ADNP: variants seen among roughly 807,000 people sequenced by gnomAD.
The protein encoded by ADNP is activity dependent neuroprotector homeobox, also known as activity-dependent neuroprotector homeobox protein.
Under a neutral mutation model 84.9 loss-of-function variants are expected in ADNP, and 4 were observed. The ratio of observed to expected loss-of-function variants is 0.05; its 90% confidence interval spans 0.02 to 0.11. The LOEUF is 0.11. Ranked by LOEUF, ADNP falls within the 10% of genes least tolerant of loss-of-function variation. ADNP has a pLI of 1.00. For synonymous variants in ADNP, 554 were observed against 468.1 expected, an observed-to-expected ratio of 1.18 and a Z score of -2.37; for missense variants, 1,132 against 1,326.0, an observed-to-expected ratio of 0.85 and a Z score of 2.27.
chr20:50,892,992 G>C lies in ADNP; in HGVS notation c.1722C>G (p.Ala574=). The change falls in exon 6 of 6, where the codon GCC becomes GCG. Residue 574 remains alanine, a synonymous_variant. Coordinates refer to ENST00000621696, the MANE Select transcript of ADNP (RefSeq NM_001282531.3). ...LLVTTYNLRD[A]PAESVAYHAQ... ...CATGGTAAGCAACAGATTCAGCTGG[G>C]GCATCCCTCAGATTGTATGTAGTTA... 6.2e-7 allele frequency: 1 copy of C among 1,614,188 alleles called. No individual in the cohort carries two copies. The highest frequency in any genetic ancestry group is 1.1e-5 in the South Asian group (1 of 91,086).
intron 2 of ADNP, among the ~76,000 whole-genome samples, chr20:50,923,669 C>T (rs1984102316): frequency 6.6e-6 from 1 of 152,130 alleles, no homozygotes; most frequent in Admixed American, 6.5e-5. Context: ...ATGTGAGTGC[C>T]ACCACACCAG....
At chr20:50,920,544 T>C (rs59268603) in intron 2 of ADNP, among the ~76,000 whole-genome samples, 4,415 of 148,904 alleles carry the variant, frequency 0.03, 234 homozygotes, top group African/African-American at 0.1. Context: ...CACTCCAGCC[T>C]GGACTCCATT....
At position 50,892,585 on chromosome 20, in the gene ADNP, G is replaced by C. The variant is rs1980912917; in HGVS notation, c.2129C>G (p.Pro710Arg). The change falls in exon 6 of 6, where the codon CCA becomes CGA. Residue 710 changes from proline (P) to arginine (R), a missense_variant. Pro to Arg is a moderately radical substitution (Grantham distance 103). This residue lies in a region of ADNP where 101 missense variants were observed against 78.5 expected (regional missense o/e 1.29). Coordinates refer to ENST00000621696, the MANE Select transcript of ADNP (RefSeq NM_001282531.3). Reference sequence around the variant, plus strand: ...AGTGCGCTTCACAGGTGCCAGACTTGGAGACTGATTAAGCCGAGAGGGTGC... The same window carrying C: ...AGTGCGCTTCACAGGTGCCAGACTTCGAGACTGATTAAGCCGAGAGGGTGC... ...TNAPSRLNQS[P>R]SLAPVKRTYE... 2 of 1,614,212 alleles carry C rather than the reference G, an allele frequency of 1.2e-6. No individual in the cohort carries two copies. The highest frequency in any genetic ancestry group is 1.3e-5 in the African/African-American group (1 of 75,052).
At chr20:50,912,737 AATT>A (rs1451880684) in intron 2 of ADNP, among the ~76,000 whole-genome samples, 1 of 152,214 alleles carries the variant, frequency 6.6e-6, no homozygotes, top group Admixed American at 6.5e-5. Flanking sequence ...AATCTTCACC[AATT>A]ATTATTAGTC....
chr20:50,891,733 C>T lies in ADNP; in HGVS notation c.2981G>A (p.Gly994Glu), dbSNP rs1980756807. 1.9e-6 allele frequency: 3 copies of T among 1,614,066 alleles called. No homozygotes were observed. Among genetic ancestry groups the T allele is most frequent in the Non-Finnish European group, 2.5e-6 (3 of 1,180,038 alleles). Residue 994 changes from glycine (G) to glutamate (E), a missense_variant, in exon 6 of 6, where the codon GGA becomes GAA. Around this residue, in one of 10 missense-constraint regions of ADNP, gnomAD observed 381 missense variants for 319.9 expected, o/e 1.19. Transcript: ENST00000621696. The part of the protein sequence containing the change: ...FEDNTCEMKP[G>E]TWSDESSQSE... Reference sequence around the variant, plus strand: ...TTGGGAAGACTCGTCAGACCAGGTTCCTGGTTTCATTTCGCAGGTATTGTC... The same window carrying T: ...TTGGGAAGACTCGTCAGACCAGGTTTCTGGTTTCATTTCGCAGGTATTGTC...
chr20:50,926,597 C>T (rs2123008813), intron 2 of ADNP, among the ~76,000 whole-genome samples: 1 of 152,132 alleles, frequency 6.6e-6, no homozygotes, highest in South Asian at 2.1e-4. Context: ...ATGTACTTTC[C>T]CCAAACTACA....
At chr20:50,919,291 G>GTATATATATA (rs199569280) in intron 2 of ADNP, among the ~76,000 whole-genome samples, 38 of 77,210 alleles carry the variant, frequency 4.9e-4, no homozygotes, top group Admixed American at 2.1e-3. Flanking sequence ...ATATTTAAGT[G>GTATATATATA]TATATATATA....
At chr20:50,918,531 CA>C (rs1348599999) in intron 2 of ADNP, among the ~76,000 whole-genome samples, 1 of 152,108 alleles carries the variant, frequency 6.6e-6, no homozygotes, top group African/African-American at 2.4e-5. Context: ...ACGTTATTGG[CA>C]AATCTGCTCC....
chr20:50,900,040 AG>A (rs750854640), intron 5 of ADNP, among the ~76,000 whole-genome samples: 5 of 152,176 alleles, frequency 3.3e-5, no homozygotes, highest in Non-Finnish European at 7.3e-5. Flanking sequence ...CTTTTTATGT[AG>A]CCTAAGTGTG....
At position 50,890,366 on chromosome 20, in the gene ADNP, ATTTAT is replaced by A. The variant is rs1366245338; in HGVS notation, c.*1034_*1038del. 6.6e-6 allele frequency: 1 copy of A among 152,608 alleles called. No individual in the cohort carries two copies. The highest frequency in any genetic ancestry group is 2.4e-5 in the African/African-American group (1 of 41,490). 9.5% of individuals were successfully genotyped at this position (152,608 alleles called of 1,614,324 possible). On this transcript the variant is annotated 3_prime_UTR_variant, in exon 6 of 6. Transcript: ENST00000621696. ...TATTTACATTAAGCACAATACAGCA[ATTTAT>A]TTAGATGCTTAAAATGAATACAAAG...
intron 4 of ADNP, among the ~76,000 whole-genome samples, chr20:50,902,342 A>T (rs1982069942): frequency 6.6e-6 from 1 of 152,232 alleles, no homozygotes; most frequent in Admixed American, 6.5e-5. Context: ...GTTTCCAAGG[A>T]AATTGCTGGA....
intron 5 of ADNP, among the ~76,000 whole-genome samples, chr20:50,895,610 CAA>C (rs1166879570): frequency 6.6e-6 from 1 of 152,164 alleles, no homozygotes; most frequent in Non-Finnish European, 1.5e-5. Context: ...TGCAGTGGCA[CAA>C]TCGGCTCACT....
At chr20:50,907,238 A>G (rs973546573) in intron 2 of ADNP, among the ~76,000 whole-genome samples, 4 of 150,224 alleles carry the variant, frequency 2.7e-5, no homozygotes, top group African/African-American at 4.9e-5. Flanking sequence ...TCAGCCTCCC[A>G]AAGTGCTGGG....
intron 2 of ADNP, among the ~76,000 whole-genome samples, chr20:50,918,720 T>C (rs1983701797): frequency 6.6e-6 from 1 of 152,364 alleles, no homozygotes; most frequent in South Asian, 2.1e-4. Flanking sequence ...AATTCCCATG[T>C]GTTAAAATTT....
intron 5 of ADNP, among the ~76,000 whole-genome samples, chr20:50,895,512 C>T (rs1352949053): frequency 6.6e-6 from 1 of 152,192 alleles, no homozygotes; most frequent in African/African-American, 2.4e-5. Flanking sequence ...CTGTACACTA[C>T]TGTAGACTTT....
In ADNP at chr20:50,891,564, T is replaced by G. The variant is rs368642653; in HGVS notation, c.3150A>C (p.Ala1050=). Residue 1050 remains alanine, a synonymous_variant, in exon 6 of 6, where the codon GCA becomes GCC. Coordinates refer to ENST00000621696, the MANE Select transcript of ADNP (RefSeq NM_001282531.3). ...WSKDQSQWKN[A]SENDERLSNP... is the part of the protein sequence containing the mutation. ...TAGATAAGCGCTCATCATTCTCAGA[T>G]GCATTCTTCCACTGTGACTGGTCCT... 6.2e-7 allele frequency: 1 copy of G among 1,612,638 alleles called. No homozygotes were observed.
chr20:50,898,709 T>G (rs1034206397), intron 5 of ADNP, among the ~76,000 whole-genome samples: 1 of 152,156 alleles, frequency 6.6e-6, no homozygotes, highest in Admixed American at 6.5e-5. Context: ...TTAGGGGCCA[T>G]GATGAACAAA....
At chr20:50,903,292 G>A (rs1029602543) in intron 4 of ADNP, among the ~76,000 whole-genome samples, 1 of 152,140 alleles carries the variant, frequency 6.6e-6, no homozygotes, top group Non-Finnish European at 1.5e-5. Flanking sequence ...CTGTTATAAA[G>A]CTCATAGAAT....
rs752213411 is a variant in ADNP, at chr20:50,893,961, G to A, written c.753C>T (p.Val251=). The change falls in exon 6 of 6, where the codon GTC becomes GTT. Residue 251 remains valine, a synonymous_variant. Transcript: ENST00000621696. This position sits in a 1 kb window ranked among gnomAD's most constrained non-coding sequence, Gnocchi z 4.4. ...CATTTGTGTGCCCAATCATGGCAGT[G>A]ACCTGATAGCCTATACGTTCATGGT... The part of the protein sequence containing the change: ...IEDHERIGYQ[V]TAMIGHTNVV... 4.3e-6 allele frequency: 7 copies of A among 1,614,036 alleles called. No homozygotes were observed. The African/African-American group carries it at 9.3e-5, about 22-fold the overall frequency.
Sources: gnomAD v4.1 joint callset for allele counts (sites outside exome capture counted in the v4.1 genomes callset) on GRCh38, gnomAD v4.1.1 for gene constraint, gnomAD v4.1.1 regional missense constraint, Gnocchi (gnomAD v3.1) non-coding constraint, MANE v1.5 for transcripts, NCBI Gene and HGNC (gene_info 2026-07-23, HGNC 2026-07-21) for gene names.